DLG2: variants seen among roughly 807,000 people sequenced by gnomAD.
The protein encoded by DLG2 is disks large homolog 2.
A neutral mutation model predicts 132.5 loss-of-function variants in DLG2; 45 were observed. The ratio of observed to expected loss-of-function variants is 0.34; its 90% confidence interval spans 0.27 to 0.44. The LOEUF is 0.44. Among genes scored for constraint, DLG2 ranks in the 20% least tolerant of loss-of-function variants. The probability of loss-of-function intolerance (pLI) is 1.00; values close to 1 mark genes in which losing one functional copy is unlikely to be tolerated. For synonymous variants in DLG2, 424 were observed against 419.6 expected, an observed-to-expected ratio of 1.01 and a Z score of -0.13; for missense variants, 1,045 against 1,196.9, an observed-to-expected ratio of 0.87 and a Z score of 1.87.
intron 6 of DLG2, among the ~76,000 whole-genome samples, chr11:84,856,811 G>A (rs1474230824): frequency 6.6e-6 from 1 of 151,900 alleles, no homozygotes; most frequent in Non-Finnish European, 1.5e-5. Context: ...GCCTCTTTCT[G>A]CCTCTTCTCT....
intron 3 of DLG2, among the ~76,000 whole-genome samples, chr11:85,314,402 G>T (rs1258037315): frequency 2.0e-5 from 3 of 151,812 alleles, no homozygotes; most frequent in African/African-American, 7.3e-5. Context: ...TTCAAAAATA[G>T]AGAGGATCAT....
chr11:85,278,272 C>T (rs185415836), intron 4 of DLG2, among the ~76,000 whole-genome samples: 131 of 152,240 alleles, frequency 8.6e-4, no homozygotes, highest in Middle Eastern at 3.4e-3. Flanking sequence ...ACCTACCTAC[C>T]GCTTCAAATC....
intron 6 of DLG2, among the ~76,000 whole-genome samples, chr11:84,958,217 A>T (rs1031996019): frequency 2.0e-5 from 3 of 152,096 alleles, no homozygotes; most frequent in Admixed American, 6.6e-5. Flanking sequence ...ATTCATATAT[A>T]TTTCCTGCCC....
At chr11:83,942,782 G>C (rs2082958998) in intron 14 of DLG2, among the ~76,000 whole-genome samples, 1 of 152,150 alleles carries the variant, frequency 6.6e-6, no homozygotes. Context: ...GATAGATCTT[G>C]AATGTTATCA....
chr11:84,025,429 T>C (rs914780770), intron 11 of DLG2, among the ~76,000 whole-genome samples: 1 of 152,118 alleles, frequency 6.6e-6, no homozygotes, highest in African/African-American at 2.4e-5. Flanking sequence ...CACTTGGGAA[T>C]TCAAGATGAG....
chr11:85,107,976 T>C (rs1402304260), intron 6 of DLG2, among the ~76,000 whole-genome samples: 1 of 54,096 alleles, frequency 1.8e-5, no homozygotes, highest in East Asian at 5.6e-4. Context: ...CATTACTACA[T>C]AGGTGCCGAG....
intron 6 of DLG2, among the ~76,000 whole-genome samples, chr11:85,040,206 A>G (rs942990667): frequency 2.6e-5 from 4 of 152,050 alleles, no homozygotes; most frequent in Middle Eastern, 3.4e-3. Context: ...GAATTGCTGA[A>G]TTCTCCTGGA....
At chr11:84,457,989 C>T (rs924791388) in intron 7 of DLG2, among the ~76,000 whole-genome samples, 1 of 150,776 alleles carries the variant, frequency 6.6e-6, no homozygotes, top group African/African-American at 2.4e-5. Flanking sequence ...TAAAATTCAT[C>T]TGCAAGCCTG....
intron 6 of DLG2, among the ~76,000 whole-genome samples, chr11:85,111,371 A>C (rs1010109143): frequency 1.3e-5 from 2 of 152,130 alleles, no homozygotes; most frequent in Non-Finnish European, 2.9e-5. Flanking sequence ...TATTCTGAAA[A>C]ACATATGTGC....
chr11:83,623,510 T>C, intron 19 of DLG2, among the ~76,000 whole-genome samples: 1 of 152,284 alleles, frequency 6.6e-6, no homozygotes, highest in Admixed American at 6.5e-5. Flanking sequence ...CACAGTCCAA[T>C]GGAGGGAGCA....
chr11:85,315,388 G>T (rs1335520709), intron 3 of DLG2, among the ~76,000 whole-genome samples: 1 of 151,844 alleles, frequency 6.6e-6, no homozygotes, highest in Non-Finnish European at 1.5e-5. Flanking sequence ...CAGCTGCAAG[G>T]ACTCCCTGCA....
rs1025676435 is a variant in DLG2 at position 83,761,270 on chromosome 11, G to T, written c.1825+25420C>A. ...TACAAGGACACCCCGTCTAGGAGGG[G>T]TAACAATCCCATACTTAATAGTCCT... On this transcript the variant is annotated intron_variant, in intron 18 of 27. Transcript: ENST00000376104. Among the ~76,000 whole-genome samples the T allele has an allele frequency of 5.3e-5, 8 of 152,174 alleles. No individual in the cohort carries two copies. In the South Asian group the frequency reaches 1.7e-3, roughly 32 times the overall value.
At chr11:85,402,718 G>C (rs2088271860) in intron 3 of DLG2, among the ~76,000 whole-genome samples, 1 of 152,180 alleles carries the variant, frequency 6.6e-6, no homozygotes, top group South Asian at 2.1e-4. Flanking sequence ...AGACATTTAT[G>C]CAGCCAACAG....
intron 20 of DLG2, among the ~76,000 whole-genome samples, chr11:83,538,779 C>T (rs2095970501): frequency 1.3e-5 from 2 of 152,250 alleles, no homozygotes; most frequent in Admixed American, 1.3e-4. Context: ...CTGCATTGCC[C>T]TAATCGCAGA....
At chr11:83,867,698 T>C (rs1327046405) in intron 16 of DLG2, among the ~76,000 whole-genome samples, 1 of 152,238 alleles carries the variant, frequency 6.6e-6, no homozygotes, top group Non-Finnish European at 1.5e-5. Context: ...GGTTTGTTTA[T>C]GTATTTATTT....
chr11:85,481,860 GC>G (rs1328908225), intron 3 of DLG2, among the ~76,000 whole-genome samples: 1 of 152,004 alleles, frequency 6.6e-6, no homozygotes, highest in Non-Finnish European at 1.5e-5. Flanking sequence ...TGCCAGACCA[GC>G]CCCCTGCAGC....
At chr11:83,988,397 CT>C (rs574939215) in intron 11 of DLG2, among the ~76,000 whole-genome samples, 23 of 152,038 alleles carry the variant, frequency 1.5e-4, no homozygotes, top group Non-Finnish European at 2.4e-4. Context: ...TTAGCAGGCT[CT>C]TTTTTGGTTC....
At chr11:84,354,464 T>C (rs1017269157) in intron 7 of DLG2, among the ~76,000 whole-genome samples, 1 of 152,124 alleles carries the variant, frequency 6.6e-6, no homozygotes, top group South Asian at 2.1e-4. Context: ...AATTGCACCT[T>C]TTTTTCTCAA....
intron 4 of DLG2, among the ~76,000 whole-genome samples, chr11:85,262,571 T>C (rs1378988415): frequency 1.3e-5 from 2 of 152,206 alleles, no homozygotes; most frequent in African/African-American, 4.8e-5. Flanking sequence ...CCTGGATCCA[T>C]TCAGATTAAG....
Sources: allele counts gnomAD v4.1 joint callset (sites outside exome capture counted in the v4.1 genomes callset), GRCh38; gene constraint gnomAD v4.1.1; transcripts MANE v1.5; gene names NCBI Gene and HGNC (gene_info 2026-07-23, HGNC 2026-07-21).